SNW1: variants seen among roughly 807,000 people sequenced by gnomAD.
SNW1 encodes the protein SNW domain-containing protein 1.
SNW1 carries 9 observed loss-of-function variants against 75.6 expected under a neutral mutation model. That is an observed-to-expected ratio of 0.12 (90% CI 0.07 to 0.21). SNW1 has a LOEUF of 0.21. Ranked by LOEUF, SNW1 falls within the 10% of genes least tolerant of loss-of-function variation. SNW1 has a pLI of 1.00. For missense variants in SNW1, 409 were observed against 670.9 expected, an observed-to-expected ratio of 0.61 and a Z score of 4.31; for synonymous variants, 200 against 219.1, an observed-to-expected ratio of 0.91 and a Z score of 0.77.
At chr14:77,759,899 C>A (rs1490525831) in intron 1 of SNW1, among the ~76,000 whole-genome samples, 1 of 151,736 alleles carries the variant, frequency 6.6e-6, no homozygotes, top group Admixed American at 6.6e-5. Context: ...AGGAGGACTG[C>A]TTGAGGCCAA....
chr14:77,740,341 C>G (rs1304987198), intron 3 of SNW1, among the ~76,000 whole-genome samples: 1 of 151,870 alleles, frequency 6.6e-6, no homozygotes, highest in Non-Finnish European at 1.5e-5. Context: ...AAGCCAAAGT[C>G]TTATATTAAT....
chr14:77,752,920 G>GTTAAAGCA (rs1422961093), intron 2 of SNW1, among the ~76,000 whole-genome samples: 1 of 152,168 alleles, frequency 6.6e-6, no homozygotes, highest in Non-Finnish European at 1.5e-5. Context: ...ATGAGAAAGA[G>GTTAAAGCA]TTAAAGCATT....
chr14:77,720,520 T>C (rs745482760), intron 12 of SNW1, 191 bp downstream of exon 12: 14 of 726,850 alleles, frequency 1.9e-5, no homozygotes, highest in African/African-American at 1.9e-4. Context: ...TCCTAGTGTC[T>C]CAAATCTCAG....
rs2139902915 is a variant in SNW1, at chr14:77,731,013, A to C, written c.1008T>G (p.Ala336=). ...EMAQKARERR[A]GIKTHVEKED... ...CTTTTTCCACATGAGTTTTGATCCC[A>C]GCTCTTCTCTCCCTGGCTTTCTGGG... is the stretch of plus-strand genomic sequence containing the variant. The change falls in exon 10 of 14, where the codon GCT becomes GCG. Residue 336 remains alanine (A), a synonymous_variant. Transcript: ENST00000261531. 2 of 1,614,052 alleles carry C rather than the reference A, an allele frequency of 1.2e-6. No homozygotes were observed. The highest frequency in any genetic ancestry group is 4.5e-5 in the East Asian group (2 of 44,884).
At chr14:77,744,274 GAAACCCTGTTTCTACTAAA>G (rs2080741527) in intron 3 of SNW1, among the ~76,000 whole-genome samples, 1 of 151,778 alleles carries the variant, frequency 6.6e-6, no homozygotes, top group Non-Finnish European at 1.5e-5. Flanking sequence ...CCAACATGGT[GAAACCCTGTTTCTACTAAA>G]AATACAAAAA....
intron 6 of SNW1, 136 bp from the exon 7 acceptor site, chr14:77,736,142 A>G: frequency 1.7e-6 from 1 of 585,546 alleles, no homozygotes; most frequent in Non-Finnish European, 3.0e-6. Context: ...ATATACATTT[A>G]CCACTCCACT....
At chr14:77,718,890 T>C (rs1395233845) in intron 12 of SNW1, among the ~76,000 whole-genome samples, 1 of 152,158 alleles carries the variant, frequency 6.6e-6, no homozygotes, top group Non-Finnish European at 1.5e-5. Context: ...TTTGTATTTT[T>C]AGTAGAGACA....
intron 1 of SNW1, chr14:77,760,524 G>A (rs1488466554): frequency 1.6e-6 from 1 of 627,200 alleles, no homozygotes; most frequent in Non-Finnish European, 2.9e-6. Flanking sequence ...CAAAACTGAG[G>A]TGGTTCTATC....
intron 1 of SNW1, among the ~76,000 whole-genome samples, chr14:77,758,848 GT>G (rs1406099730): frequency 5.3e-5 from 8 of 152,162 alleles, no homozygotes; most frequent in Non-Finnish European, 1.0e-4. Context: ...GCTATCAACT[GT>G]GTCTACTGGA....
intron 2 of SNW1, among the ~76,000 whole-genome samples, chr14:77,751,734 G>A (rs2080808201): frequency 6.6e-6 from 1 of 151,596 alleles, no homozygotes; most frequent in Non-Finnish European, 1.5e-5. Flanking sequence ...TGATAGGGTG[G>A]TTGGGGACAG....
chr14:77,750,024 T>C (rs2080795270), intron 3 of SNW1, among the ~76,000 whole-genome samples: 1 of 151,820 alleles, frequency 6.6e-6, no homozygotes, highest in African/African-American at 2.4e-5. Context: ...AACATAGGGA[T>C]ATCCCACCTC....
At chr14:77,743,690 C>G (rs1434738884) in intron 3 of SNW1, among the ~76,000 whole-genome samples, 5 of 152,192 alleles carry the variant, frequency 3.3e-5, no homozygotes, top group Non-Finnish European at 7.4e-5. Flanking sequence ...ACTGCCACCT[C>G]TAACTCCTCT....
intron 9 of SNW1, among the ~76,000 whole-genome samples, chr14:77,731,648 T>C (rs955325059): frequency 6.6e-6 from 1 of 152,250 alleles, no homozygotes; most frequent in African/African-American, 2.4e-5. Context: ...GGGTACTCAC[T>C]GTGATACAAA....
At position 77,744,066 on chromosome 14, in the gene SNW1, TG is replaced by T. The variant is rs149182477; in HGVS notation, c.331-5006del. 8.2e-3 allele frequency among the ~76,000 whole-genome samples: 1,229 copies of T among 150,506 alleles called. 13 individuals are homozygous for T. The highest frequency in any genetic ancestry group is 0.029 in the African/African-American group (1,175 of 40,806). ...GCTCATGCCTGTAATCCCATCACTT[TG>T]GGAGGTTGCAGTGAGCCAAGATCGT... On this transcript the variant is annotated intron_variant, in intron 3 of 13. Transcript: ENST00000261531.
chr14:77,723,208 T>C lies in SNW1; in HGVS notation c.1103A>G (p.Asn368Ser). ...CTTATCAGGAGCTGCCCTGGAAAGA[T>C]TCCGGTCATGCTGTCTCTCTTTTCG... ...DRRKERQHDR[N>S]LSRAAPDKRS... The change falls in exon 11 of 14, where the codon AAT (asparagine) becomes AGT (serine). Residue 368 changes from asparagine to serine, a missense_variant. Transcript: ENST00000261531. 11 of 1,614,108 alleles carry C rather than the reference T, an allele frequency of 6.8e-6. No individual in the cohort carries two copies. Among genetic ancestry groups the C allele is most frequent in the Non-Finnish European group, 9.3e-6 (11 of 1,179,988 alleles).
chr14:77,752,837 T>G (rs932435022), intron 2 of SNW1, among the ~76,000 whole-genome samples: 1 of 152,222 alleles, frequency 6.6e-6, no homozygotes, highest in African/African-American at 2.4e-5. Flanking sequence ...AAGTACAATA[T>G]GCTTATTTGC....
At chr14:77,759,181 C>G (rs958091583) in intron 1 of SNW1, among the ~76,000 whole-genome samples, 7 of 152,188 alleles carry the variant, frequency 4.6e-5, no homozygotes, top group Non-Finnish European at 2.9e-5. Flanking sequence ...ATTTAAAGAT[C>G]GCATTCTGCC....
At chr14:77,735,073 T>C in intron 7 of SNW1, 61 bp from the exon 8 acceptor site, 1 of 1,220,278 alleles carries the variant, frequency 8.2e-7, no homozygotes, top group Non-Finnish European at 1.2e-6. Flanking sequence ...TAAATCTAAG[T>C]ATAATCTTTA....
At chr14:77,731,303 T>G (rs1280569647) in intron 9 of SNW1, among the ~76,000 whole-genome samples, 174 bp from the exon 10 acceptor site, 1 of 152,252 alleles carries the variant, frequency 6.6e-6, no homozygotes, top group Non-Finnish European at 1.5e-5. Flanking sequence ...TGGAAGACAC[T>G]GCAAGGTCAG....
Sources: gnomAD v4.1 joint callset for allele counts (sites outside exome capture counted in the v4.1 genomes callset) on GRCh38, gnomAD v4.1.1 for gene constraint, MANE v1.5 for transcripts, NCBI Gene and HGNC (gene_info 2026-07-23, HGNC 2026-07-21) for gene names.